The following DGKK variants were observed in gnomAD, a reference collection of about 807,000 sequenced individuals.
DGKK encodes 142 kDa diacylglycerol kinase.
Under a neutral mutation model 92.2 loss-of-function variants are expected in DGKK, and 35 were observed. The observed-to-expected ratio is 0.38, with a 90% confidence interval of 0.29 to 0.50. DGKK has a LOEUF of 0.50. Among genes scored for constraint, DGKK ranks in the 20% least tolerant of loss-of-function variants. The pLI, the probability that DGKK is intolerant of heterozygous loss-of-function variation, is 0.92. For missense variants in DGKK, 910 were observed against 992.2 expected, an observed-to-expected ratio of 0.92 and a Z score of 1.11; for synonymous variants, 368 against 360.6, an observed-to-expected ratio of 1.02 and a Z score of -0.23.
chrX:50,376,718 C>T (rs1924282743), intron 23 of DGKK, 40 bp downstream of exon 23: 1 of 1,113,236 alleles, frequency 9.0e-7, no homozygotes, highest in Admixed American at 2.8e-5. Context: ...CCTATGCCTT[C>T]TTAGGATTCT....
chrX:50,385,195 T>C (rs1924515582), intron 15 of DGKK, among the ~76,000 whole-genome samples: 1 of 112,021 alleles, frequency 8.9e-6, no homozygotes, highest in South Asian at 3.8e-4. Flanking sequence ...ACCTCCATTC[T>C]ATTAGTTCAT....
Position 50,470,523 on chromosome X carries a change from T to C in DGKK, c.156A>G (p.Glu52=). ...GCTCTGGACAGGGCTCTGGTATGGGTTCTGGCGAAGCCTCGGAGAGCAGCG... is the reference window on the plus strand; with the variant it reads ...GCTCTGGACAGGGCTCTGGTATGGGCTCTGGCGAAGCCTCGGAGAGCAGCG... ...APPLLSEASP[E]PIPEPCPELA... The change falls in exon 1 of 28, where the codon GAA becomes GAG. Residue 52 remains glutamate, a synonymous_variant. Transcript: ENST00000611977. 1 of 1,211,232 alleles carries C rather than the reference T, an allele frequency of 8.3e-7. No individual in the cohort carries two copies. The highest frequency in any genetic ancestry group is 1.1e-6 in the Non-Finnish European group (1 of 895,447).
chrX:50,422,626 A>ACACC (rs1404146664), intron 2 of DGKK, 100 bp from the exon 3 acceptor site: 1 of 456,412 alleles, frequency 2.2e-6, no homozygotes, highest in East Asian at 4.2e-5. Context: ...ACACACACAC[A>ACACC]CACACACACT....
chrX:50,429,832 T>A (rs782372108), intron 1 of DGKK, among the ~76,000 whole-genome samples: 1 of 112,631 alleles, frequency 8.9e-6, no homozygotes, highest in Admixed American at 9.3e-5. Flanking sequence ...TTCTCCAGTT[T>A]TTTTAAAGTG....
intron 25 of DGKK, among the ~76,000 whole-genome samples, chrX:50,372,210 T>G (rs781842120): frequency 4.5e-5 from 5 of 112,279 alleles, no homozygotes; most frequent in Non-Finnish European, 9.4e-5. Flanking sequence ...ACATACTGTA[T>G]GCCAAGCACT....
At chrX:50,377,714 C>T (rs1447398708) in intron 22 of DGKK, among the ~76,000 whole-genome samples, 8 of 112,274 alleles carry the variant, frequency 7.1e-5, no homozygotes, top group African/African-American at 2.6e-4. Flanking sequence ...GAATCTGTTG[C>T]TGAAGGAGAA....
chrX:50,381,121 T>G (rs1557224400), intron 18 of DGKK, among the ~76,000 whole-genome samples: 1 of 111,892 alleles, frequency 8.9e-6, no homozygotes, highest in Non-Finnish European at 1.9e-5. Flanking sequence ...GGTCAATTGA[T>G]TTTTGACAAA....
At chrX:50,438,139 G>A (rs1179991106) in intron 1 of DGKK, among the ~76,000 whole-genome samples, 2 of 110,438 alleles carry the variant, frequency 1.8e-5, no homozygotes, top group African/African-American at 6.6e-5. Context: ...GCAGGGGAGA[G>A]TCCAGTTTGA....
chrX:50,372,160 T>C (rs1557223300), intron 25 of DGKK, among the ~76,000 whole-genome samples: 1 of 112,239 alleles, frequency 8.9e-6, no homozygotes, highest in African/African-American at 3.2e-5. Flanking sequence ...CCTGGAGACA[T>C]CTCAGTGTTC....
chrX:50,408,649 C>G (rs2147131741), intron 4 of DGKK, among the ~76,000 whole-genome samples: 1 of 111,496 alleles, frequency 9.0e-6, no homozygotes, highest in Admixed American at 9.4e-5. Context: ...TCCCAAAGTG[C>G]TGGGATTACA....
chrX:50,461,769 G>A (rs1283870758), intron 1 of DGKK, among the ~76,000 whole-genome samples: 1 of 112,152 alleles, frequency 8.9e-6, no homozygotes, highest in Non-Finnish European at 1.9e-5. Flanking sequence ...TAGGGAGCAG[G>A]TATCAGTTTA....
Position 50,379,759 on chromosome X carries a change from T to A in DGKK, c.2755-25A>T, listed in dbSNP as rs782228420. The A allele has an allele frequency of 1.2e-5, 14 of 1,136,487 alleles. No homozygotes were observed. In the Admixed American group the frequency reaches 3.1e-4, roughly 25 times the overall value. 93.7% of individuals were successfully genotyped at this position (1,136,487 alleles called of 1,213,427 possible). ...ACTGAAAGAAAAGAGTAGCTCTCAT[T>A]AGCTGGATCTTTAGATAGCAACATG... On this transcript the variant is annotated intron_variant, in intron 19 of 27. Coordinates refer to ENST00000611977, the MANE Select transcript of DGKK (RefSeq NM_001013742.4).
At chrX:50,459,316 C>T (rs7888506) in intron 1 of DGKK, among the ~76,000 whole-genome samples, 8,615 of 110,570 alleles carry the variant, frequency 0.078, 813 homozygotes, top group African/African-American at 0.27. Context: ...CACAATAATG[C>T]CCTGCTATAC....
chrX:50,439,411 C>T (rs1215941817), intron 1 of DGKK, among the ~76,000 whole-genome samples: 2 of 110,909 alleles, frequency 1.8e-5, no homozygotes, highest in African/African-American at 6.6e-5. Flanking sequence ...CACATAATGG[C>T]ATTCAACTCT....
At chrX:50,455,109 C>G (rs1360779254) in intron 1 of DGKK, among the ~76,000 whole-genome samples, 1 of 111,923 alleles carries the variant, frequency 8.9e-6, no homozygotes, top group African/African-American at 3.2e-5. Context: ...TGATTTATTC[C>G]CTGATTATTC....
intron 27 of DGKK, among the ~76,000 whole-genome samples, chrX:50,369,712 C>T (rs781790374): frequency 9.0e-6 from 1 of 111,000 alleles, no homozygotes; most frequent in African/African-American, 3.3e-5. Flanking sequence ...CAAACGCACA[C>T]CATCATGCCC....
rs1557224102 is a variant in DGKK, at chrX:50,378,614, G to T, written c.2940C>A (p.Ser980=). 8.3e-7 allele frequency: 1 copy of T among 1,209,535 alleles called. No individual in the cohort carries two copies. Among genetic ancestry groups the T allele is most frequent in the East Asian group, 3.0e-5 (1 of 33,688 alleles). ...GATGATGATGCAGGTTGATGATACG[G>T]GACATTGCCATCTGCACAGAACCAA... is the stretch of plus-strand genomic sequence containing the variant. ...AIFGSVQMAM[S]RIINLHHHRI... The change falls in exon 21 of 28, where the codon TCC becomes TCA. Residue 980 remains serine, a synonymous_variant. Transcript: ENST00000611977.
intron 1 of DGKK, among the ~76,000 whole-genome samples, chrX:50,437,906 G>A (rs151184914): frequency 9.0e-5 from 10 of 110,966 alleles, no homozygotes; most frequent in African/African-American, 2.6e-4. Context: ...TAATCCATAT[G>A]TGCTGCTCCC....
chrX:50,413,169 G>T lies in DGKK; in HGVS notation c.942+7234C>A, dbSNP rs192667007. On this transcript the variant is annotated intron_variant, in intron 4 of 27. Transcript: ENST00000611977. The stretch of plus-strand genomic sequence containing the variant: ...GGAAACTAATCCCTGGTGCCAAAAA[G>T]TTTGAAGACTGCTGCCTTATACCGT... Among the ~76,000 whole-genome samples the T allele has an allele frequency of 1.8e-3, 197 of 110,477 alleles. 2 individuals are homozygous for T. Among genetic ancestry groups the T allele is most frequent in the Middle Eastern group, 9.3e-3 (2 of 215 alleles).
Sources: gnomAD v4.1 joint callset for allele counts (sites outside exome capture counted in the v4.1 genomes callset) on GRCh38, gnomAD v4.1.1 for gene constraint, MANE v1.5 for transcripts, NCBI Gene and HGNC (gene_info 2026-07-23, HGNC 2026-07-21) for gene names.